The following ADGRG6 variants were observed in gnomAD, a reference collection of about 807,000 sequenced individuals.
ADGRG6 encodes G-protein coupled receptor 126.
Under a neutral mutation model 142.4 loss-of-function variants are expected in ADGRG6, and 84 were observed. The observed-to-expected ratio is 0.59, with a 90% CI of 0.49 to 0.71. The LOEUF (loss-of-function observed/expected upper bound fraction) is 0.71, where lower values mean the gene tolerates loss of function less well. ADGRG6 is among the 30% of genes least tolerant of loss of function. The pLI is 0.00. For missense variants in ADGRG6, 1,367 were observed against 1,466.6 expected, an observed-to-expected ratio of 0.93 and a Z score of 1.11; for synonymous variants, 521 against 520.5, an observed-to-expected ratio of 1.00 and a Z score of -0.01.
chr6:142,322,585 A>G (rs746072703), intron 2 of ADGRG6, among the ~76,000 whole-genome samples: 2 of 152,090 alleles, frequency 1.3e-5, no homozygotes, highest in Non-Finnish European at 2.9e-5. Flanking sequence ...CCCCCATTTA[A>G]TTAAAAACTA....
rs1777537170 is a variant in ADGRG6 at position 142,437,467 on chromosome 6, A to G, written c.3353A>G (p.Lys1118Arg). The change falls in exon 23 of 25, where the codon AAG becomes AGG. Residue 1118 changes from lysine (K) to arginine (R), a missense_variant. Around this residue, in one of 3 missense-constraint regions of ADGRG6, gnomAD observed 344 missense variants for 348.7 expected, o/e 0.99. Transcript: ENST00000367609. ...ATATTCATCTTCCACTGTGCTATGAAGGAGAATGTTCAGAAACAGTGGCGG... is the reference window on the plus strand; with the variant it reads ...ATATTCATCTTCCACTGTGCTATGAGGGAGAATGTTCAGAAACAGTGGCGG... ...LFIFIFHCAM[K>R]ENVQKQWRQH... The G allele has an allele frequency of 1.3e-6, 2 of 1,578,884 alleles. No homozygotes were observed. Among genetic ancestry groups the G allele is most frequent in the South Asian group, 2.2e-5 (2 of 90,354 alleles).
At chr6:142,328,853 TG>T (rs1351627201) in intron 2 of ADGRG6, among the ~76,000 whole-genome samples, 1 of 152,192 alleles carries the variant, frequency 6.6e-6, no homozygotes, top group Non-Finnish European at 1.5e-5. Context: ...TCTTAATCGA[TG>T]AAATTGACAT....
chr6:142,443,180 G>T (rs1777838659), intron 24 of ADGRG6, among the ~76,000 whole-genome samples, 157 bp from the exon 25 acceptor site: 1 of 152,124 alleles, frequency 6.6e-6, no homozygotes, highest in African/African-American at 2.4e-5. Context: ...AGAAAAACAT[G>T]GAAGTTTAGT....
Position 142,367,618 on chromosome 6 carries a change from C to A in ADGRG6, c.153C>A (p.Thr51=). The change falls in exon 3 of 25, where the codon ACC becomes ACA. Residue 51 remains threonine (T), a synonymous_variant. Transcript: ENST00000367609. The stretch of plus-strand genomic sequence containing the variant: ...TGGTTTTGTCCAACCCTTCTGGGAC[C>A]TTTACTTCTCCATGCTACCCTAACG... The part of the protein sequence containing the change: ...CRVVLSNPSG[T]FTSPCYPNDY... 1 of 1,613,800 alleles carries A rather than the reference C, an allele frequency of 6.2e-7. No individual in the cohort carries two copies. The highest frequency in any genetic ancestry group is 8.5e-7 in the Non-Finnish European group (1 of 1,179,846).
At chr6:142,332,649 CATT>C (rs1218472827) in intron 2 of ADGRG6, among the ~76,000 whole-genome samples, 2 of 152,118 alleles carry the variant, frequency 1.3e-5, no homozygotes, top group Admixed American at 6.6e-5. Context: ...GGACATAAAA[CATT>C]ATTACTTACC....
At chr6:142,437,599 T>C in intron 23 of ADGRG6, 64 bp downstream of exon 23, 1 of 825,482 alleles carries the variant, frequency 1.2e-6, no homozygotes, top group Middle Eastern at 2.2e-4. Context: ...ATTCAGTCTT[T>C]CATTGTCAGA....
At position 142,325,868 on chromosome 6, in the gene ADGRG6, G is replaced by C. The variant is rs1049629610; in HGVS notation, c.103+16224G>C. Among the ~76,000 whole-genome samples the C allele has an allele frequency of 7.2e-5, 11 of 151,888 alleles. No individual in the cohort carries two copies. In the East Asian group the frequency reaches 2.1e-3, roughly 29 times the overall value. ...TCATCCAGGAAGATAATGTACTTTT[G>C]ATTAATTACTAAGAGGATTACCTAA... On this transcript the variant is annotated intron_variant, in intron 2 of 24. Coordinates refer to ENST00000367609, the MANE Select transcript of ADGRG6 (RefSeq NM_198569.3).
chr6:142,384,235 A>AT (rs1781915696), intron 6 of ADGRG6, among the ~76,000 whole-genome samples: 2 of 152,136 alleles, frequency 1.3e-5, no homozygotes, highest in South Asian at 4.1e-4. Context: ...ATTTCAAAAA[A>AT]TTAAGTAATT....
intron 2 of ADGRG6, among the ~76,000 whole-genome samples, chr6:142,348,879 CA>C (rs567723319): frequency 2.0e-3 from 308 of 152,072 alleles, no homozygotes; most frequent in Middle Eastern, 6.8e-3. Flanking sequence ...TGGGATTTGA[CA>C]AAAATGTAAT....
intron 18 of ADGRG6, among the ~76,000 whole-genome samples, chr6:142,412,699 AG>A (rs1218553768): frequency 6.6e-6 from 1 of 152,234 alleles, no homozygotes; most frequent in Non-Finnish European, 1.5e-5. Flanking sequence ...TAATTATAAA[AG>A]AAAATTCAGT....
chr6:142,395,392 C>G, intron 9 of ADGRG6, among the ~76,000 whole-genome samples: 1 of 152,100 alleles, frequency 6.6e-6, no homozygotes, highest in Non-Finnish European at 1.5e-5. Context: ...CTTTGTGTAG[C>G]AACTGGGACA....
chr6:142,320,076 A>G (rs1458943853), intron 2 of ADGRG6, among the ~76,000 whole-genome samples: 2 of 151,986 alleles, frequency 1.3e-5, no homozygotes, highest in African/African-American at 2.4e-5. Flanking sequence ...ATAAAAATGA[A>G]CATATGTAGT....
rs1777846734 is a variant in ADGRG6, at chr6:142,443,350, G to GGAC, written c.3589_3591dup (p.Asp1197dup). 1 of 1,609,224 alleles carries GGAC rather than the reference G, an allele frequency of 6.2e-7. No individual in the cohort carries two copies. The highest frequency in any genetic ancestry group is 1.3e-5 in the African/African-American group (1 of 74,674). ...CATTTCTTGCAGACAGTGCTTCCAT[G>GGAC]GACAAGTCCTTGTCAAAACTGGCCC... On this transcript the variant is annotated inframe_insertion, in exon 25 of 25. Transcript: ENST00000367609.
rs550989431 is a variant in ADGRG6 at position 142,345,644 on chromosome 6, G to A, written c.104-21925G>A. Among the ~76,000 whole-genome samples, 5 of 152,206 alleles carry A rather than the reference G, an allele frequency of 3.3e-5. No homozygotes were observed. The East Asian group carries it at 7.7e-4, about 24-fold the overall frequency. ...ATGTAGTGAATATACCCTGCAAGAT[G>A]TTTTTATGATTCATGTAATTTTGTG... On this transcript the variant is annotated intron_variant, in intron 2 of 24. Coordinates refer to ENST00000367609, the MANE Select transcript of ADGRG6 (RefSeq NM_198569.3).
chr6:142,379,188 G>A (rs935511771), intron 4 of ADGRG6, among the ~76,000 whole-genome samples: 3 of 152,074 alleles, frequency 2.0e-5, no homozygotes, highest in East Asian at 1.9e-4. Context: ...TTATTAGATC[G>A]ATATGTACCA....
chr6:142,388,710 A>G (rs1472757717), intron 6 of ADGRG6, among the ~76,000 whole-genome samples: 6 of 152,074 alleles, frequency 3.9e-5, no homozygotes, highest in African/African-American at 1.4e-4. Context: ...ACTTAAAGTG[A>G]AAAGTGAAAT....
In ADGRG6 at chr6:142,441,055, C is replaced by T. The variant is rs1319567743; in HGVS notation, c.3575-2282C>T. 5.1e-6 allele frequency: 3 copies of T among 588,064 alleles called. No homozygotes were observed. The African/African-American group carries it at 5.9e-5, about 12-fold the overall frequency. 36.4% of individuals were successfully genotyped at this position (588,064 alleles called of 1,614,324 possible). ...GATTCTTGCTGCATCGGCAAAATGG[C>T]TTGTTCTTTTCAGCTAGCACAATGA... On this transcript the variant is annotated intron_variant, in intron 24 of 24. Transcript: ENST00000367609.
chr6:142,412,490 G>T (rs1318332532), intron 18 of ADGRG6, among the ~76,000 whole-genome samples: 1 of 152,086 alleles, frequency 6.6e-6, no homozygotes, highest in Non-Finnish European at 1.5e-5. Context: ...TATGTAAATG[G>T]CCATTGTCAT....
At chr6:142,373,520 G>A (rs1781352574) in intron 4 of ADGRG6, among the ~76,000 whole-genome samples, 1 of 152,220 alleles carries the variant, frequency 6.6e-6, no homozygotes. Flanking sequence ...AGGAGGGCCT[G>A]TAACAGGCCA....
Sources: gnomAD v4.1 joint callset for allele counts (sites outside exome capture counted in the v4.1 genomes callset) on GRCh38, gnomAD v4.1.1 for gene constraint, gnomAD v4.1.1 regional missense constraint, MANE v1.5 for transcripts, NCBI Gene and HGNC (gene_info 2026-07-23, HGNC 2026-07-21) for gene names.